The following MRC2 variants were observed in gnomAD, a reference collection of about 807,000 sequenced individuals.
MRC2 encodes the protein mannose receptor C-type 2.
A neutral mutation model predicts 206.2 loss-of-function variants in MRC2; 84 were observed. That is an observed-to-expected ratio of 0.41 (90% CI 0.34 to 0.49). The LOEUF is 0.49. MRC2 is among the 20% of genes least tolerant of loss of function. The pLI is 0.31. For synonymous variants in MRC2, 798 were observed against 800.0 expected (o/e 1.00, Z 0.04); for missense variants, 1,676 against 2,001.5 (o/e 0.84, Z 3.10).
At chr17:62,676,666 AGC>A in intron 11 of MRC2, 135 bp downstream of exon 11, 1 of 1,144,100 alleles carries the variant, frequency 8.7e-7, no homozygotes, top group Non-Finnish European at 1.2e-6. Flanking sequence ...TATGAGCACA[AGC>A]TCTGAAACCA....
Position 62,680,040 on chromosome 17 carries a change from C to G in MRC2, c.2299-130C>G. 1 of 1,519,128 alleles carries G rather than the reference C, an allele frequency of 6.6e-7. No individual in the cohort carries two copies. The highest frequency in any genetic ancestry group is 9.0e-7 in the Non-Finnish European group (1 of 1,117,198). 94.1% of individuals were successfully genotyped at this position (1,519,128 alleles called of 1,614,324 possible). On this transcript the variant is annotated intron_variant, in intron 14 of 29. Transcript: ENST00000303375. The surrounding 1 kb of genome is among the most constrained non-coding windows in gnomAD (Gnocchi z 4.8). ...GGAGCCGGCTTCAGGAAAGCAGGTC[C>G]GAGAGGGGTCACCCGGCCCCCGGTG...
chr17:62,667,384 C>G lies in MRC2; in HGVS notation c.974-6C>G. On this transcript the variant is annotated splice_region_variant and splice_polypyrimidine_tract_variant and intron_variant, in intron 5 of 29. Coordinates refer to ENST00000303375, the MANE Select transcript of MRC2 (RefSeq NM_006039.5). The surrounding 1 kb of genome is among the most constrained non-coding windows in gnomAD (Gnocchi z 4.1). ...CGGGGGTGCTGGCGCCCTGCCCTCC[C>G]CACAGACCAGCCGGACAACCCCAGT... is the stretch of plus-strand genomic sequence containing the variant. 1 of 1,593,496 alleles carries G rather than the reference C, an allele frequency of 6.3e-7. No homozygotes were observed. Among genetic ancestry groups the G allele is most frequent in the African/African-American group, 1.3e-5 (1 of 74,220 alleles).
In MRC2 at chr17:62,678,744, A is replaced by G. The variant is rs181741940; in HGVS notation, c.2195+98A>G. 2,266 of 1,531,192 alleles carry G rather than the reference A, an allele frequency of 1.5e-3. 32 individuals are homozygous for G. The African/African-American group carries it at 0.029, about 20-fold the overall frequency. The allele number at this position is 1,531,192 out of a possible 1,614,324, so 94.9% of individuals were successfully genotyped here. ...TTGGTTTTGTTGGGCGAGCAGGGGG[A>G]TGGCAGAATGTGGGTGACCCCAGGG... is the stretch of plus-strand genomic sequence containing the variant. On this transcript the variant is annotated intron_variant, in intron 13 of 29. Transcript: ENST00000303375.
chr17:62,672,237 A>G lies in MRC2; in HGVS notation c.1461+85A>G. On this transcript the variant is annotated intron_variant, in intron 8 of 29. Coordinates refer to ENST00000303375, the MANE Select transcript of MRC2 (RefSeq NM_006039.5). The surrounding 1 kb of genome is among the most constrained non-coding windows in gnomAD (Gnocchi z 4.5). Reference sequence around the variant, plus strand: ...ACCCCAGCTGAAGGACATCCTAGTTACTATCAGAACCTGCCTGGAACCTCT... The same window carrying G: ...ACCCCAGCTGAAGGACATCCTAGTTGCTATCAGAACCTGCCTGGAACCTCT... The G allele has an allele frequency of 6.5e-7, 1 of 1,532,444 alleles. No individual in the cohort carries two copies. Among genetic ancestry groups the G allele is most frequent in the Non-Finnish European group, 9.0e-7 (1 of 1,112,654 alleles). 94.9% of individuals were successfully genotyped at this position (1,532,444 alleles called of 1,614,324 possible).
intron 1 of MRC2, among the ~76,000 whole-genome samples, chr17:62,633,644 A>T (rs2088273920): frequency 6.7e-6 from 1 of 150,212 alleles, no homozygotes; most frequent in South Asian, 2.1e-4. Context: ...TTCAAGACCA[A>T]CTTGGGCAAC....
Position 62,679,822 on chromosome 17 carries a change from G to C in MRC2, c.2218G>C (p.Glu740Gln). ...AAGTGAATCAGAACCCGAGATCCAC[G>C]AGCAGCACTGGTTCTGGATCGGCCT... ...IFGESEPEIH[E>Q]QHWFWIGLNR... The change falls in exon 14 of 30, where the codon GAG becomes CAG. Residue 740 changes from glutamate (E) to glutamine (Q), a missense_variant. Physicochemically the swap from Glu to Gln is conservative, Grantham distance 29. Transcript: ENST00000303375. 1 of 1,613,958 alleles carries C rather than the reference G, an allele frequency of 6.2e-7. No individual in the cohort carries two copies. The highest frequency in any genetic ancestry group is 1.1e-5 in the South Asian group (1 of 91,054).
In MRC2 at chr17:62,671,163, C is replaced by T. The variant is rs113601874; in HGVS notation, c.1118-486C>T. 6.4e-3 allele frequency among the ~76,000 whole-genome samples: 975 copies of T among 152,288 alleles called. 17 individuals are homozygous for T. The highest frequency in any genetic ancestry group is 0.022 in the African/African-American group (922 of 41,554). ...CATGGCTCACTGCAGCCTTGACCTC[C>T]CCGGGTCAAGTGATCCTCCCACCTC... is the stretch of plus-strand genomic sequence containing the variant. On this transcript the variant is annotated intron_variant, in intron 6 of 29. Coordinates refer to ENST00000303375, the MANE Select transcript of MRC2 (RefSeq NM_006039.5). The surrounding 1 kb of genome is among the most constrained non-coding windows in gnomAD (Gnocchi z 4.5).
Position 62,681,933 on chromosome 17 carries a change from C to T in MRC2, c.2799C>T (p.Ser933=). The change falls in exon 19 of 30, where the codon AGC becomes AGT. Residue 933 remains serine, a synonymous_variant. Transcript: ENST00000303375. ...AGAAGTGCGTGTACATGACAGCCAG[C>T]CGAGGTGAGGGCAAGGTGGGGGCAG... ...KDKKCVYMTA[S]REDWGDQRCL... 6.2e-7 allele frequency: 1 copy of T among 1,613,160 alleles called. No individual in the cohort carries two copies. Among genetic ancestry groups the T allele is most frequent in the Non-Finnish European group, 8.5e-7 (1 of 1,179,688 alleles).
At chr17:62,629,971 G>C (rs2084203516) in intron 1 of MRC2, among the ~76,000 whole-genome samples, 1 of 152,256 alleles carries the variant, frequency 6.6e-6, no homozygotes, top group Admixed American at 6.5e-5. Context: ...TGCCTTCTTG[G>C]TGCGTGATGG....
chr17:62,676,039 G>A (rs1389430344), intron 10 of MRC2, 134 bp downstream of exon 10: 1 of 719,504 alleles, frequency 1.4e-6, no homozygotes, highest in African/African-American at 1.8e-5. Flanking sequence ...TGGGCTCCAG[G>A]GCATTTTAAA....
rs1002172543 is a variant in MRC2 at position 62,627,868 on chromosome 17, C to T, written c.66C>T (p.Leu22=). Residue 22 remains leucine (L), a synonymous_variant, in exon 1 of 30, where the codon CTC becomes CTT. Coordinates refer to ENST00000303375, the MANE Select transcript of MRC2 (RefSeq NM_006039.5). ...PRHLLRCVLL[L]GCLHLGRPGA... ...ACCTGCTGCGCTGCGTCCTGCTCCT[C>T]GGGTGCCTGCACCTCGGCCGTCCCG... 5.4e-6 allele frequency: 8 copies of T among 1,477,456 alleles called. No individual in the cohort carries two copies. The highest frequency in any genetic ancestry group is 5.3e-6 in the Non-Finnish European group (6 of 1,121,524). 91.5% of individuals were successfully genotyped at this position (1,477,456 alleles called of 1,614,324 possible).
Position 62,635,981 on chromosome 17 carries a change from G to T in MRC2, c.118+8061G>T, listed in dbSNP as rs1041405978. ...TTTTTGTGTTTTTAGTAGAGACAGG[G>T]TTTCACTGTGTTAGCCAGGATGGTC... On this transcript the variant is annotated intron_variant, in intron 1 of 29. Transcript: ENST00000303375. Among the ~76,000 whole-genome samples the T allele has an allele frequency of 2.2e-4, 33 of 151,950 alleles. 1 individual carries two copies. Among genetic ancestry groups the T allele is most frequent in the African/African-American group, 7.5e-4 (31 of 41,462 alleles).
At chr17:62,685,034 C>G (rs186196283) in intron 20 of MRC2, among the ~76,000 whole-genome samples, 12 of 152,048 alleles carry the variant, frequency 7.9e-5, no homozygotes, top group Non-Finnish European at 1.3e-4. Context: ...CTCACCTACT[C>G]GGGAGGCTGA....
chr17:62,635,932 C>T (rs973344672), intron 1 of MRC2, among the ~76,000 whole-genome samples: 20 of 151,952 alleles, frequency 1.3e-4, no homozygotes, highest in Admixed American at 2.6e-4. Context: ...GGACTACAGG[C>T]GCCCGCCACC....
At chr17:62,681,816 C>G (rs2088969533) in intron 18 of MRC2, 21 bp from the exon 19 acceptor site, 1 of 1,597,714 alleles carries the variant, frequency 6.3e-7, no homozygotes, top group Admixed American at 1.7e-5. Flanking sequence ...CTGGAGTTAC[C>G]TCTGCTCCAT....
intron 18 of MRC2, 36 bp from the exon 19 acceptor site, chr17:62,681,801 C>G (rs779163858): frequency 6.5e-7 from 1 of 1,539,940 alleles, no homozygotes; most frequent in Non-Finnish European, 8.9e-7. Context: ...AGCTGGGGGC[C>G]GGTGCTGGAG....
intron 1 of MRC2, among the ~76,000 whole-genome samples, chr17:62,644,279 T>C (rs2088447268): frequency 6.6e-6 from 1 of 151,618 alleles, no homozygotes; most frequent in African/African-American, 2.4e-5. Flanking sequence ...ATTAGCAAGG[T>C]GTGGTGATGG....
chr17:62,678,868 ACTCATAGGAGACTGTGTTTTG>A (rs1361991696), intron 13 of MRC2, among the ~76,000 whole-genome samples: 2 of 152,068 alleles, frequency 1.3e-5, no homozygotes, highest in Non-Finnish European at 2.9e-5. Flanking sequence ...TGATCCATGC[ACTCATAGGAGACTGTGTTTTG>A]CTCACCATCA....
Position 62,680,154 on chromosome 17 carries a change from C to T in MRC2, c.2299-16C>T. 6.2e-7 allele frequency: 1 copy of T among 1,613,990 alleles called. No individual in the cohort carries two copies. The highest frequency in any genetic ancestry group is 8.5e-7 in the Non-Finnish European group (1 of 1,179,936). ...TTGCGCCTCACGTTCCTCTTCCCTC[C>T]ACCCGCCTCCTCCAGTTCTCTTACC... On this transcript the variant is annotated splice_polypyrimidine_tract_variant and intron_variant, in intron 14 of 29. Transcript: ENST00000303375. This position sits in a 1 kb window ranked among gnomAD's most constrained non-coding sequence, Gnocchi z 4.8.
Sources: gnomAD v4.1 joint callset for allele counts (sites outside exome capture counted in the v4.1 genomes callset) on GRCh38, gnomAD v4.1.1 for gene constraint, Gnocchi (gnomAD v3.1) non-coding constraint, MANE v1.5 for transcripts, NCBI Gene and HGNC (gene_info 2026-07-23, HGNC 2026-07-21) for gene names.